Variants in DDX24 observed in about 807,000 individuals in gnomAD.
DDX24 encodes the protein ATP-dependent RNA helicase DDX24.
Under a neutral mutation model 68.9 loss-of-function variants are expected in DDX24, and 24 were observed. That is an observed-to-expected ratio of 0.35 (90% CI 0.25 to 0.49). The LOEUF (loss-of-function observed/expected upper bound fraction) is 0.49. DDX24 is among the 20% of genes least tolerant of loss of function. The probability of loss-of-function intolerance (pLI) is 0.99; values close to 1 mark genes in which losing one functional copy is unlikely to be tolerated. For missense variants in DDX24, 989 were observed against 1,039.0 expected (o/e 0.95, Z 0.66); for synonymous variants, 395 against 385.2 (o/e 1.03, Z -0.30).
chr14:94,058,853 C>G (rs951096997), intron 5 of DDX24, among the ~76,000 whole-genome samples: 4 of 152,198 alleles, frequency 2.6e-5, no homozygotes, highest in African/African-American at 9.6e-5. Context: ...ACCACACAGT[C>G]TCTATGGCAA....
At chr14:94,060,709 C>T (rs940950292) in intron 4 of DDX24, 96 bp from the exon 5 acceptor site, 19 of 1,486,126 alleles carry the variant, frequency 1.3e-5, no homozygotes, top group Non-Finnish European at 1.7e-5. Flanking sequence ...CACACACACA[C>T]ACACGTACAC....
At chr14:94,067,983 T>C (rs1311769729) in intron 2 of DDX24, among the ~76,000 whole-genome samples, 2 of 152,144 alleles carry the variant, frequency 1.3e-5, no homozygotes, top group East Asian at 3.9e-4. Context: ...ACAAAGAGCA[T>C]GAGGAACGCA....
intron 2 of DDX24, among the ~76,000 whole-genome samples, chr14:94,063,858 G>A (rs1292138542): frequency 1.3e-5 from 2 of 152,140 alleles, no homozygotes; most frequent in African/African-American, 4.8e-5. Flanking sequence ...AGCCATGATC[G>A]TGCCACTGCA....
chr14:94,072,029 A>G (rs757306957), intron 2 of DDX24, among the ~76,000 whole-genome samples: 64 of 152,348 alleles, frequency 4.2e-4, no homozygotes, highest in Middle Eastern at 3.4e-3. Flanking sequence ...TATAGCCACT[A>G]TGGAAAACAG....
chr14:94,054,593 G>C lies in DDX24; in HGVS notation c.2178+403C>G, dbSNP rs532923034. ...CACCTACCTGGGGAATGCCTGCTGA[G>C]TTAAAACCCAAAAGACAGAATTTAC... is the stretch of plus-strand genomic sequence containing the variant. On this transcript the variant is annotated intron_variant, in intron 7 of 8. Transcript: ENST00000621632. Among the ~76,000 whole-genome samples the C allele has an allele frequency of 3.9e-5, 6 of 152,300 alleles. No homozygotes were observed. In the South Asian group the frequency reaches 1.2e-3, roughly 32 times the overall value.
At position 94,079,307 on chromosome 14, in the gene DDX24, T is replaced by G; in HGVS notation, c.436A>C (p.Asn146His). The G allele has an allele frequency of 6.2e-7, 1 of 1,614,170 alleles. No individual in the cohort carries two copies. Among genetic ancestry groups the G allele is most frequent in the Non-Finnish European group, 8.5e-7 (1 of 1,180,036 alleles). Residue 146 changes from asparagine (N) to histidine (H), a missense_variant, in exon 2 of 9, where the codon AAC becomes CAC. By Grantham distance (68) the Asn-to-His change is moderately conservative (BLOSUM62 1). Coordinates refer to ENST00000621632, the MANE Select transcript of DDX24 (RefSeq NM_020414.4). ...DPEAGEMTSE[N>H]LVQTAPKKKK... Reference sequence around the variant, plus strand: ...TTTTTTGGAGCAGTTTGGACCAGGTTTTCTGATGTCATCTCCCCAGCCTCC... The same window carrying G: ...TTTTTTGGAGCAGTTTGGACCAGGTGTTCTGATGTCATCTCCCCAGCCTCC...
chr14:94,053,358 CTTTTTTTTTTTTTTTTT>C (rs1160011824), intron 7 of DDX24: 2 of 120,606 alleles, frequency 1.7e-5, no homozygotes, highest in South Asian at 8.0e-5. Context: ...TAGGTAATTT[CTTTTTTTTTTTTTTTTT>C]TTTTTTTTTT....
At chr14:94,068,446 AC>A (rs1447456201) in intron 2 of DDX24, among the ~76,000 whole-genome samples, 1 of 152,230 alleles carries the variant, frequency 6.6e-6, no homozygotes, top group Non-Finnish European at 1.5e-5. Flanking sequence ...ACAGCACTAG[AC>A]AGATCATCAA....
chr14:94,059,021 C>T (rs1283842449), intron 5 of DDX24, among the ~76,000 whole-genome samples: 2 of 152,232 alleles, frequency 1.3e-5, no homozygotes, highest in East Asian at 3.9e-4. Flanking sequence ...ATTGCTTGAG[C>T]CCGTGAGTTC....
At chr14:94,074,993 T>C (rs1567062154) in intron 2 of DDX24, among the ~76,000 whole-genome samples, 1 of 152,104 alleles carries the variant, frequency 6.6e-6, no homozygotes, top group Admixed American at 6.5e-5. Flanking sequence ...TTTTAAAACA[T>C]TGCTAAGAAA....
At position 94,050,815 on chromosome 14, in the gene DDX24, A is replaced by G. The variant is rs1027365160; in HGVS notation, c.*376T>C. The G allele has an allele frequency of 4.1e-5, 8 of 194,812 alleles. No homozygotes were observed. Among genetic ancestry groups the G allele is most frequent in the Non-Finnish European group, 7.2e-5 (7 of 97,328 alleles). 12.1% of individuals were successfully genotyped at this position (194,812 alleles called of 1,614,324 possible). A position where few individuals can be genotyped will look rare whatever the true frequency, so the allele number is the denominator to read the frequency against. The stretch of plus-strand genomic sequence containing the variant: ...ATTCCTGTCCTTTCAAGGGCTTAGC[A>G]CTGTGCTGGCCCAGGAGAATCACTA... On this transcript the variant is annotated 3_prime_UTR_variant, in exon 9 of 9. Coordinates refer to ENST00000621632, the MANE Select transcript of DDX24 (RefSeq NM_020414.4).
intron 2 of DDX24, among the ~76,000 whole-genome samples, chr14:94,064,427 C>G (rs956388608): frequency 2.0e-5 from 3 of 152,216 alleles, no homozygotes; most frequent in Non-Finnish European, 4.4e-5. Context: ...AGTCCCTAGA[C>G]AGCTTCAGGA....
intron 2 of DDX24, among the ~76,000 whole-genome samples, chr14:94,069,766 G>C (rs1250837673): frequency 2.0e-5 from 3 of 152,062 alleles, no homozygotes; most frequent in Non-Finnish European, 4.4e-5. Flanking sequence ...AAAATCACAT[G>C]ATCTCAATAG....
At chr14:94,071,005 A>G (rs533763581) in intron 2 of DDX24, among the ~76,000 whole-genome samples, 1 of 152,364 alleles carries the variant, frequency 6.6e-6, no homozygotes, top group East Asian at 1.9e-4. Flanking sequence ...ACAAAGATAA[A>G]TATCTGGGAC....
intron 6 of DDX24, chr14:94,056,649 A>G (rs1307459340): frequency 1.3e-5 from 2 of 152,194 alleles, no homozygotes; most frequent in Admixed American, 6.5e-5. Flanking sequence ...AATTGAACCC[A>G]AAGCGGGGGG....
chr14:94,079,562 G>A lies in DDX24; in HGVS notation c.181C>T (p.Pro61Ser). 6.2e-7 allele frequency: 1 copy of A among 1,614,064 alleles called. No homozygotes were observed. Among genetic ancestry groups the A allele is most frequent in the Non-Finnish European group, 8.5e-7 (1 of 1,180,022 alleles). Residue 61 changes from proline to serine, a missense_variant, in exon 2 of 9, where the codon CCT becomes TCT. This residue lies in a region of DDX24 where 295 missense variants were observed against 263.0 expected (regional missense o/e 1.12). Coordinates refer to ENST00000621632, the MANE Select transcript of DDX24 (RefSeq NM_020414.4). Reference sequence around the variant, plus strand: ...AAGAGACTGGAGGGATTCTTGGCAGGGGAGACCAACTGGTAATCTGTCAAT... The same window carrying A: ...AAGAGACTGGAGGGATTCTTGGCAGAGGAGACCAACTGGTAATCTGTCAAT... ...EELTDYQLVS[P>S]AKNPSSLFSK... is the part of the protein sequence containing the mutation.
chr14:94,052,480 T>A (rs1885406412), intron 8 of DDX24, among the ~76,000 whole-genome samples: 1 of 152,240 alleles, frequency 6.6e-6, no homozygotes, highest in Non-Finnish European at 1.5e-5. Context: ...GGAAGTGCTT[T>A]GTCAGCTTGG....
chr14:94,064,967 G>A (rs1017285938), intron 2 of DDX24, among the ~76,000 whole-genome samples: 1 of 152,132 alleles, frequency 6.6e-6, no homozygotes, highest in Non-Finnish European at 1.5e-5. Context: ...AGGATAACCA[G>A]TTGGTGTCCA....
chr14:94,051,439 C>G lies in DDX24; in HGVS notation c.2332G>C (p.Glu778Gln). The change falls in exon 9 of 9, where the codon GAA (glutamate) becomes CAA (glutamine). Residue 778 changes from glutamate (E) to glutamine (Q), a missense_variant. Coordinates refer to ENST00000621632, the MANE Select transcript of DDX24 (RefSeq NM_020414.4). Reference sequence around the variant, plus strand: ...TTCATCTGCTTTTGTCTCCGACGTTCTTCTTGCTGGTCAGCTTTTCCTCCT... The same window carrying G: ...TTCATCTGCTTTTGTCTCCGACGTTGTTCTTGCTGGTCAGCTTTTCCTCCT... The part of the protein sequence containing the change: ...YKGGKADQQE[E>Q]RRRQKQMKVL... The G allele has an allele frequency of 2.6e-6, 4 of 1,565,390 alleles. No individual in the cohort carries two copies. Among genetic ancestry groups the G allele is most frequent in the Non-Finnish European group, 3.5e-6 (4 of 1,158,242 alleles).
Sources: gnomAD v4.1 joint callset for allele counts (sites outside exome capture counted in the v4.1 genomes callset) on GRCh38, gnomAD v4.1.1 for gene constraint, gnomAD v4.1.1 regional missense constraint, MANE v1.5 for transcripts, NCBI Gene and HGNC (gene_info 2026-07-23, HGNC 2026-07-21) for gene names.